The following SHISAL1 variants were observed in gnomAD, a reference collection of about 807,000 sequenced individuals.
SHISAL1 encodes protein shisa-like-1.
In SHISAL1, 9 loss-of-function variants were observed where a neutral mutation model predicts 22.6. The observed-to-expected ratio is 0.40, with a 90% CI of 0.24 to 0.70. The LOEUF (loss-of-function observed/expected upper bound fraction) is 0.70. Among genes scored for constraint, SHISAL1 ranks in the 30% least tolerant of loss-of-function variants. The probability of loss-of-function intolerance (pLI) is 0.39; values close to 1 mark genes in which losing one functional copy is unlikely to be tolerated. For synonymous variants in SHISAL1, 119 were observed against 115.4 expected (o/e 1.03, Z -0.20); for missense variants, 246 against 270.6 (o/e 0.91, Z 0.64).
chr22:44,266,781 C>G (rs1360134285), intron 4 of SHISAL1, among the ~76,000 whole-genome samples: 1 of 152,084 alleles, frequency 6.6e-6, no homozygotes, highest in Admixed American at 6.5e-5. Flanking sequence ...CTCCCTCATA[C>G]CCCACTCAGC....
At chr22:44,258,177 G>A (rs1197416084) in intron 4 of SHISAL1, among the ~76,000 whole-genome samples, 6 of 151,882 alleles carry the variant, frequency 4.0e-5, no homozygotes. Flanking sequence ...GTGGTGATGG[G>A]CACCTGTAGT....
At chr22:44,330,908 A>C in the SHISAL1 span, among the ~76,000 whole-genome samples, 5 of 151,988 alleles carry the variant, frequency 3.3e-5, no homozygotes, top group African/African-American at 1.2e-4. Context: ...AGGGGCACGC[A>C]CTTGGGAGGG....
intron 4 of SHISAL1, among the ~76,000 whole-genome samples, chr22:44,284,917 T>TCCTG (rs2055302142): frequency 6.6e-6 from 1 of 150,908 alleles, no homozygotes; most frequent in Non-Finnish European, 1.5e-5. Flanking sequence ...CTTCCTTCCT[T>TCCTG]CCTTCCTTCC....
intron 2 of SHISAL1, among the ~76,000 whole-genome samples, chr22:44,298,733 AG>A (rs1293668504): frequency 6.6e-6 from 1 of 152,182 alleles, no homozygotes; most frequent in African/African-American, 2.4e-5. Context: ...CTGGGCCTCA[AG>A]GGACTGGGAG....
At chr22:44,261,152 T>TTA (rs1555925760) in intron 4 of SHISAL1, among the ~76,000 whole-genome samples, 1 of 140,438 alleles carries the variant, frequency 7.1e-6, no homozygotes. Context: ...CAATGACTTT[T>TTA]AAAAAAAAAA....
chr22:44,315,150 T>C (rs1312343073), upstream of SHISAL1, among the ~76,000 whole-genome samples: 2 of 152,072 alleles, frequency 1.3e-5, no homozygotes. Context: ...TAAAGAAGTC[T>C]TGGCAAGGAC....
chr22:44,266,989 G>A (rs1441700520), intron 4 of SHISAL1, among the ~76,000 whole-genome samples: 1 of 152,172 alleles, frequency 6.6e-6, no homozygotes, highest in Non-Finnish European at 1.5e-5. Context: ...GGATGACAAA[G>A]CTATTTGGTG....
Position 44,245,851 on chromosome 22 carries a change from T to A in SHISAL1, c.*3834A>T, listed in dbSNP as rs1385403784. ...CTCCTCTTCAGCTCTGGGCCAAAAT[T>A]TGACTGAATCTTTCTGATGATGAGG... On this transcript the variant is annotated 3_prime_UTR_variant, in exon 5 of 5. Transcript: ENST00000381176. 1 of 152,284 alleles carries A rather than the reference T, an allele frequency of 6.6e-6. No homozygotes were observed. Among genetic ancestry groups the A allele is most frequent in the Admixed American group, 6.5e-5 (1 of 15,292 alleles). The allele number at this position is 152,284 out of a possible 1,614,324, so 9.4% of individuals were successfully genotyped here.
At chr22:44,281,496 A>C (rs1370127015) in intron 4 of SHISAL1, among the ~76,000 whole-genome samples, 1 of 151,996 alleles carries the variant, frequency 6.6e-6, no homozygotes, top group Non-Finnish European at 1.5e-5. Context: ...CGCGCTGTGA[A>C]CTGAGTGTGC....
rs893210426 is a variant in SHISAL1, at chr22:44,244,798, G to C, written c.*4887C>G. The C allele has an allele frequency of 1.3e-5, 2 of 152,318 alleles. No individual in the cohort carries two copies. Among genetic ancestry groups the C allele is most frequent in the African/African-American group, 2.4e-5 (1 of 41,558 alleles). 9.4% of individuals were successfully genotyped at this position (152,318 alleles called of 1,614,324 possible). On this transcript the variant is annotated 3_prime_UTR_variant, in exon 5 of 5. Coordinates refer to ENST00000381176, the MANE Select transcript of SHISAL1 (RefSeq NM_001099294.2). ...ATCTGAATAGGTGAGGGAAGCGCGT[G>C]TCATCGAATGAGTTTTCTAGGAGGC...
chr22:44,324,153 T>G, the SHISAL1 span, among the ~76,000 whole-genome samples: 44 of 152,248 alleles, frequency 2.9e-4, no homozygotes, highest in African/African-American at 9.2e-4. Context: ...CCGCCTCAAA[T>G]CCTCACAAGC....
chr22:44,262,740 G>A (rs1051485875), intron 4 of SHISAL1, among the ~76,000 whole-genome samples: 2 of 152,224 alleles, frequency 1.3e-5, no homozygotes, highest in Non-Finnish European at 2.9e-5. Flanking sequence ...CCTGGCGAGA[G>A]AGGAGCTGAG....
In SHISAL1 at chr22:44,289,333, T is replaced by C. The variant is rs531341076; in HGVS notation, c.282-3588A>G. ...GGGAATTCCATGGTTTAATCTAGGA[T>C]AGATGTCCAAAGAGGGGTCCCCTGT... On this transcript the variant is annotated intron_variant, in intron 3 of 4. Coordinates refer to ENST00000381176, the MANE Select transcript of SHISAL1 (RefSeq NM_001099294.2). 8.2e-4 allele frequency among the ~76,000 whole-genome samples: 125 copies of C among 152,312 alleles called. 1 individual carries two copies. Among genetic ancestry groups the C allele is most frequent in the African/African-American group, 2.9e-3 (121 of 41,562 alleles).
In SHISAL1 at chr22:44,302,423, A is replaced by T. The variant is rs1407494654; in HGVS notation, c.-32-1446T>A. Among the ~76,000 whole-genome samples, 45 of 151,960 alleles carry T rather than the reference A, an allele frequency of 3.0e-4. 1 individual carries two copies. Among genetic ancestry groups the T allele is most frequent in the Admixed American group, 2.8e-3 (43 of 15,270 alleles). The stretch of plus-strand genomic sequence containing the variant: ...GTATATTTTGCCACAATAAAAAAAA[A>T]TTTTTAATGTTACGAGGGAAAATAA... On this transcript the variant is annotated intron_variant, in intron 1 of 4. Coordinates refer to ENST00000381176, the MANE Select transcript of SHISAL1 (RefSeq NM_001099294.2).
upstream of SHISAL1, among the ~76,000 whole-genome samples, chr22:44,316,502 C>G (rs1046270363): frequency 7.9e-5 from 12 of 152,126 alleles, no homozygotes; most frequent in African/African-American, 2.9e-4. Flanking sequence ...GCTTTGCAAG[C>G]CACCCAGTCT....
chr22:44,290,616 C>T (rs1056373922), intron 3 of SHISAL1, among the ~76,000 whole-genome samples: 5 of 151,350 alleles, frequency 3.3e-5, no homozygotes, highest in African/African-American at 7.3e-5. Flanking sequence ...ATGACTCTGG[C>T]GACTAAGGTG....
At chr22:44,274,438 T>A (rs1422623371) in intron 4 of SHISAL1, among the ~76,000 whole-genome samples, 7 of 152,114 alleles carry the variant, frequency 4.6e-5, no homozygotes, top group Non-Finnish European at 1.0e-4. Flanking sequence ...CTGGAGGAAA[T>A]CATTCCAGAA....
chr22:44,301,011 G>A, intron 1 of SHISAL1, 34 bp from the exon 2 acceptor site: 3 of 1,478,056 alleles, frequency 2.0e-6, no homozygotes, highest in Non-Finnish European at 2.8e-6. Flanking sequence ...GCTGGGTGTG[G>A]GCTGTCTCGC....
intron 4 of SHISAL1, among the ~76,000 whole-genome samples, chr22:44,260,234 A>G (rs1245213907): frequency 6.6e-6 from 1 of 152,090 alleles, no homozygotes; most frequent in Non-Finnish European, 1.5e-5. Context: ...TTTCCTCTTA[A>G]CCAAGCTCTG....
Sources: allele counts gnomAD v4.1 joint callset (sites outside exome capture counted in the v4.1 genomes callset), GRCh38; gene constraint gnomAD v4.1.1; transcripts MANE v1.5; gene names NCBI Gene and HGNC (gene_info 2026-07-23, HGNC 2026-07-21).